The following ERBB4 variants were observed in gnomAD, a reference collection of about 807,000 sequenced individuals.
ERBB4 encodes erb-b2 receptor tyrosine kinase 4, also known as receptor tyrosine-protein kinase erbB-4.
ERBB4 carries 42 observed loss-of-function variants against 158.0 expected under a neutral mutation model. The ratio of observed to expected loss-of-function variants is 0.27; its 90% confidence interval spans 0.21 to 0.34. ERBB4 has a LOEUF of 0.34. Among genes scored for constraint, ERBB4 ranks in the 10% least tolerant of loss-of-function variants. ERBB4 has a pLI of 1.00. For synonymous variants in ERBB4, 583 were observed against 558.7 expected, an observed-to-expected ratio of 1.04 and a Z score of -0.61; for missense variants, 1,333 against 1,624.1, an observed-to-expected ratio of 0.82 and a Z score of 3.08.
At position 212,381,698 on chromosome 2, in the gene ERBB4, C is replaced by T. The variant is rs561013316; in HGVS notation, c.82+156751G>A. Among the ~76,000 whole-genome samples the T allele has an allele frequency of 9.3e-5, 14 of 151,250 alleles. No individual in the cohort carries two copies. In the East Asian group the frequency reaches 2.7e-3, roughly 29 times the overall value. ...AAAAAATCAGAGCCCCAATAAAAATCCAGTTGAGCTGTCTAGGCATCACTT... is the reference window on the plus strand; with the variant it reads ...AAAAAATCAGAGCCCCAATAAAAATTCAGTTGAGCTGTCTAGGCATCACTT... On this transcript the variant is annotated intron_variant, in intron 1 of 27. Transcript: ENST00000342788.
intron 3 of ERBB4, among the ~76,000 whole-genome samples, chr2:211,886,000 A>G (rs1357681414): frequency 6.6e-6 from 1 of 152,198 alleles, no homozygotes; most frequent in Non-Finnish European, 1.5e-5. Context: ...TATACGTCAA[A>G]TATTTTTACC....
At chr2:211,662,038 C>CAAAAAAAAAAAAA (rs61318918) in intron 15 of ERBB4, among the ~76,000 whole-genome samples, 9 of 39,708 alleles carry the variant, frequency 2.3e-4, no homozygotes, top group Admixed American at 5.4e-4. Flanking sequence ...GACTCCGTCT[C>CAAAAAAAAAAAAA]AAAAAAAAAA....
At chr2:212,455,328 T>TTTTTAACACCTAGGTGC (rs1349105698) in intron 1 of ERBB4, among the ~76,000 whole-genome samples, 11 of 152,136 alleles carry the variant, frequency 7.2e-5, no homozygotes, top group Non-Finnish European at 1.3e-4. Flanking sequence ...CATTAGGTGA[T>TTTTTAACACCTAGGTGC]CTCATGTATG....
chr2:211,963,003 CTAATA>C lies in ERBB4; in HGVS notation c.235-15392_235-15388del, dbSNP rs1388731626. Among the ~76,000 whole-genome samples, 10 of 152,146 alleles carry C rather than the reference CTAATA, an allele frequency of 6.6e-5. No individual in the cohort carries two copies. In the East Asian group the frequency reaches 1.9e-3, roughly 29 times the overall value. On this transcript the variant is annotated intron_variant, in intron 2 of 27. Transcript: ENST00000342788. ...AAATATGGATAGCAGGTACATGTACCTAATATGTTTTTCTGTGTGCTTAATATGTT... is the reference window on the plus strand; with the variant it reads ...AAATATGGATAGCAGGTACATGTACCTGTTTTTCTGTGTGCTTAATATGTT...
At chr2:212,021,337 A>T (rs1439096884) in intron 2 of ERBB4, among the ~76,000 whole-genome samples, 1 of 151,994 alleles carries the variant, frequency 6.6e-6, no homozygotes, top group East Asian at 1.9e-4. Context: ...GGGTAGCATG[A>T]TGCCAAAAGA....
chr2:211,808,219 G>T (rs889489457), intron 3 of ERBB4, among the ~76,000 whole-genome samples: 1 of 152,076 alleles, frequency 6.6e-6, no homozygotes, highest in Non-Finnish European at 1.5e-5. Context: ...TGTCCTGAAT[G>T]GTATTGCCTA....
chr2:212,239,622 G>A (rs1434054635), intron 1 of ERBB4, among the ~76,000 whole-genome samples: 1 of 152,150 alleles, frequency 6.6e-6, no homozygotes, highest in East Asian at 1.9e-4. Flanking sequence ...TGACTGAGCT[G>A]AAATCTATTC....
At chr2:211,634,399 C>T (rs2070277206) in intron 16 of ERBB4, among the ~76,000 whole-genome samples, 1 of 152,050 alleles carries the variant, frequency 6.6e-6, no homozygotes, top group Non-Finnish European at 1.5e-5. Flanking sequence ...CATTATGTAC[C>T]ATAAACCAAG....
chr2:212,006,286 A>G (rs1231533703), intron 2 of ERBB4, among the ~76,000 whole-genome samples: 3 of 152,148 alleles, frequency 2.0e-5, no homozygotes, highest in Non-Finnish European at 4.4e-5. Context: ...TATAAAAACA[A>G]ATTTATAAAA....
intron 2 of ERBB4, among the ~76,000 whole-genome samples, chr2:212,025,273 G>A (rs552776088): frequency 1.6e-4 from 24 of 151,824 alleles, no homozygotes; most frequent in African/African-American, 5.3e-4. Context: ...GCACTTGAAA[G>A]GTGTTATGAT....
Position 211,988,888 on chromosome 2 carries a change from C to T in ERBB4, c.235-41272G>A, listed in dbSNP as rs1028549095. Among the ~76,000 whole-genome samples, 17 of 151,988 alleles carry T rather than the reference C, an allele frequency of 1.1e-4. No individual in the cohort carries two copies. The East Asian group carries it at 1.2e-3, about 10-fold the overall frequency. On this transcript the variant is annotated intron_variant, in intron 2 of 27. Transcript: ENST00000342788. ...AGTCTCTTTTGCTTATGTGCTCCTA[C>T]GATCATGCATAAAATTGTTCTGGCT...
chr2:211,757,612 C>T (rs2075314250), intron 4 of ERBB4, among the ~76,000 whole-genome samples: 1 of 152,156 alleles, frequency 6.6e-6, no homozygotes, highest in Non-Finnish European at 1.5e-5. Context: ...GCAGCGCTTC[C>T]ATCTACCCCT....
chr2:211,795,149 A>G lies in ERBB4; in HGVS notation c.422-6990T>C, dbSNP rs2076355687. ...GCTATATTATAAAGAGATAGATAATATACTCTAGGTAGGTGGAGAGAGACA... is the reference window on the plus strand; with the variant it reads ...GCTATATTATAAAGAGATAGATAATGTACTCTAGGTAGGTGGAGAGAGACA... On this transcript the variant is annotated intron_variant, in intron 3 of 27. Coordinates refer to ENST00000342788, the MANE Select transcript of ERBB4 (RefSeq NM_005235.3). Among the ~76,000 whole-genome samples the G allele has an allele frequency of 2.6e-5, 4 of 152,016 alleles. No individual in the cohort carries two copies. The South Asian group carries it at 8.3e-4, about 31-fold the overall frequency.
At chr2:211,518,989 G>C (rs1260575731) in intron 20 of ERBB4, among the ~76,000 whole-genome samples, 1 of 152,028 alleles carries the variant, frequency 6.6e-6, no homozygotes, top group East Asian at 1.9e-4. Context: ...GGAAGGTTTT[G>C]CTTCCTTGCC....
chr2:211,396,622 AAAT>A (rs752154010), intron 25 of ERBB4, among the ~76,000 whole-genome samples: 1 of 152,212 alleles, frequency 6.6e-6, no homozygotes. Context: ...GATGGAGAAC[AAAT>A]AATATAGGAA....
intron 2 of ERBB4, among the ~76,000 whole-genome samples, chr2:212,086,363 A>AG (rs1180826734): frequency 6.6e-6 from 1 of 151,662 alleles, no homozygotes; most frequent in Non-Finnish European, 1.5e-5. Flanking sequence ...CCCACCAAAA[A>AG]AAAAAAAAGA....
At chr2:211,843,769 A>G in intron 3 of ERBB4, among the ~76,000 whole-genome samples, 1 of 152,036 alleles carries the variant, frequency 6.6e-6, no homozygotes, top group East Asian at 1.9e-4. Context: ...CTGTATAAAT[A>G]TCATAAATGA....
At position 212,283,548 on chromosome 2, in the gene ERBB4, T is replaced by A. The variant is rs551194815; in HGVS notation, c.83-158645A>T. 2.6e-5 allele frequency among the ~76,000 whole-genome samples: 4 copies of A among 152,092 alleles called. 1 individual carries two copies. In the South Asian group the frequency reaches 6.2e-4, roughly 24 times the overall value. On this transcript the variant is annotated intron_variant, in intron 1 of 27. Transcript: ENST00000342788. ...ATAAGATATGTATCACCCCTTAGAG[T>A]TTGTTAAAACAATTTTAAACCCTAA... is the stretch of plus-strand genomic sequence containing the variant.
chr2:211,650,436 C>G (rs950351234), intron 16 of ERBB4, among the ~76,000 whole-genome samples: 22 of 152,028 alleles, frequency 1.4e-4, no homozygotes, highest in African/African-American at 5.3e-4. Context: ...ATTTAGTCTT[C>G]TCCTATAGAA....
Sources: allele counts gnomAD v4.1 joint callset (sites outside exome capture counted in the v4.1 genomes callset), GRCh38; gene constraint gnomAD v4.1.1; transcripts MANE v1.5; gene names NCBI Gene and HGNC (gene_info 2026-07-23, HGNC 2026-07-21).